The following PCDHGA3 variants were observed in gnomAD, a reference collection of about 807,000 sequenced individuals.
PCDHGA3 encodes protocadherin gamma subfamily A, 3.
In PCDHGA3, 40 loss-of-function variants were observed where a neutral mutation model predicts 58.5. The ratio of observed to expected loss-of-function variants is 0.68; its 90% CI spans 0.53 to 0.89. The LOEUF (loss-of-function observed/expected upper bound fraction) is 0.89, where lower values mean the gene tolerates loss of function less well. Ranked by LOEUF, PCDHGA3 falls within the 40% of genes least tolerant of loss-of-function variation. The probability of loss-of-function intolerance (pLI) is 0.00; values close to 1 mark genes in which losing one functional copy is unlikely to be tolerated. For synonymous variants in PCDHGA3, 530 were observed against 525.7 expected, an observed-to-expected ratio of 1.01 and a Z score of -0.11; for missense variants, 1,223 against 1,195.9, an observed-to-expected ratio of 1.02 and a Z score of -0.33.
chr5:141,419,651 TC>T, intron 1 of PCDHGA3: 28 of 1,612,632 alleles, frequency 1.7e-5, no homozygotes, highest in Non-Finnish European at 2.3e-5. Flanking sequence ...GGACGCGGAC[TC>T]GGGGCACAAT....
chr5:141,400,650 C>T, intron 1 of PCDHGA3: 13 of 1,174,166 alleles, frequency 1.1e-5, no homozygotes, highest in Non-Finnish European at 1.6e-5. Context: ...AGAAAGCTGT[C>T]CTACCATTCT....
At chr5:141,389,585 C>G in intron 1 of PCDHGA3, 1 of 1,613,182 alleles carries the variant, frequency 6.2e-7, no homozygotes, top group Non-Finnish European at 8.5e-7. Context: ...CGCTGGGTCC[C>G]GACGGCTCTG....
In PCDHGA3 at chr5:141,432,929, C is replaced by T. The variant is rs759937939; in HGVS notation, c.2425-61878C>T. On this transcript the variant is annotated intron_variant, in intron 1 of 3. Coordinates refer to ENST00000253812, the MANE Select transcript of PCDHGA3 (RefSeq NM_018916.4). This position sits in a 1 kb window ranked among gnomAD's most constrained non-coding sequence, Gnocchi z 6.0. ...GCTGCGGCGCTGGCACAAGTCACGCCTGCTGCAGGCTTCAGGAGGCGGCTT... is the reference window on the plus strand; with the variant it reads ...GCTGCGGCGCTGGCACAAGTCACGCTTGCTGCAGGCTTCAGGAGGCGGCTT... The T allele has an allele frequency of 6.2e-7, 1 of 1,614,078 alleles. No individual in the cohort carries two copies. Among genetic ancestry groups the T allele is most frequent in the African/African-American group, 1.3e-5 (1 of 74,948 alleles).
Position 141,431,721 on chromosome 5 carries a change from C to T in PCDHGA3, c.2425-63086C>T. The T allele has an allele frequency of 1.2e-6, 2 of 1,614,246 alleles. No homozygotes were observed. Among genetic ancestry groups the T allele is most frequent in the Non-Finnish European group, 1.7e-6 (2 of 1,180,044 alleles). On this transcript the variant is annotated intron_variant, in intron 1 of 3. Transcript: ENST00000253812. The surrounding 1 kb of genome is among the most constrained non-coding windows in gnomAD (Gnocchi z 4.8). ...GGATTCTACCAGATGGAAGTGCAAGCAATGGATAATGCAGGATATTCTGCG... is the reference window on the plus strand; with the variant it reads ...GGATTCTACCAGATGGAAGTGCAAGTAATGGATAATGCAGGATATTCTGCG...
At chr5:141,384,795 G>C (rs763067876) in intron 1 of PCDHGA3, 1 of 1,613,482 alleles carries the variant, frequency 6.2e-7, no homozygotes, top group South Asian at 1.1e-5. Context: ...CTCGGGCCCT[G>C]CTGGACAGAG....
rs1188870363 is a variant in PCDHGA3 at position 141,490,058 on chromosome 5, C to T, written c.2425-4749C>T. ...AATGCCACTGATCCAGACGAGGGCA[C>T]CAACGGCCAACTAGACTATTCTTTT... On this transcript the variant is annotated intron_variant, in intron 1 of 3. Coordinates refer to ENST00000253812, the MANE Select transcript of PCDHGA3 (RefSeq NM_018916.4). The surrounding 1 kb of genome is among the most constrained non-coding windows in gnomAD (Gnocchi z 5.4). The T allele has an allele frequency of 6.2e-7, 1 of 1,614,230 alleles. No individual in the cohort carries two copies. Among genetic ancestry groups the T allele is most frequent in the South Asian group, 1.1e-5 (1 of 91,084 alleles).
intron 1 of PCDHGA3, among the ~76,000 whole-genome samples, chr5:141,368,915 A>G (rs1765921156): frequency 6.6e-6 from 1 of 152,228 alleles, no homozygotes; most frequent in Non-Finnish European, 1.5e-5. Context: ...TAAAGGTGAC[A>G]ATGAGTGTCT....
intron 2 of PCDHGA3, among the ~76,000 whole-genome samples, chr5:141,498,710 T>C (rs2099785302): frequency 1.3e-5 from 2 of 152,108 alleles, no homozygotes. Flanking sequence ...GGTGGGTGGA[T>C]CACCTGAGGT....
chr5:141,499,260 G>T (rs2099790657), intron 2 of PCDHGA3, among the ~76,000 whole-genome samples: 1 of 152,028 alleles, frequency 6.6e-6, no homozygotes, highest in African/African-American at 2.4e-5. Context: ...GTCTCCATTT[G>T]GTCCCTAGAC....
chr5:141,394,925 C>T (rs771405918), intron 1 of PCDHGA3: 9 of 1,613,696 alleles, frequency 5.6e-6, no homozygotes, highest in South Asian at 1.1e-5. Context: ...CCTGTGTCTT[C>T]CTCGCCTTTG....
chr5:141,376,711 G>A lies in PCDHGA3; in HGVS notation c.2424+30254G>A, dbSNP rs1369731526. 2.9e-5 allele frequency: 18 copies of A among 622,360 alleles called. No homozygotes were observed. The South Asian group carries it at 3.6e-4, about 12-fold the overall frequency. 38.6% of individuals were successfully genotyped at this position (622,360 alleles called of 1,614,324 possible). On this transcript the variant is annotated intron_variant, in intron 1 of 3. Coordinates refer to ENST00000253812, the MANE Select transcript of PCDHGA3 (RefSeq NM_018916.4). ...TTTTTTTTTTTTGAGACGGAGTCTC[G>A]CTCTGTCGCCCAGGCCGGACTGCGG...
chr5:141,431,685 A>C lies in PCDHGA3; in HGVS notation c.2425-63122A>C. The C allele has an allele frequency of 6.2e-7, 1 of 1,614,246 alleles. No homozygotes were observed. Among genetic ancestry groups the C allele is most frequent in the East Asian group, 2.2e-5 (1 of 44,876 alleles). ...ATATCAACAATAGGGGAGTTGGACCACGAGGAGTCAGGATTCTACCAGATG... is the reference window on the plus strand; with the variant it reads ...ATATCAACAATAGGGGAGTTGGACCCCGAGGAGTCAGGATTCTACCAGATG... On this transcript the variant is annotated intron_variant, in intron 1 of 3. Transcript: ENST00000253812. This position sits in a 1 kb window ranked among gnomAD's most constrained non-coding sequence, Gnocchi z 4.8.
At chr5:141,507,831 T>C (rs2099864030) in intron 3 of PCDHGA3, among the ~76,000 whole-genome samples, 1 of 152,134 alleles carries the variant, frequency 6.6e-6, no homozygotes, top group African/African-American at 2.4e-5. Context: ...GTGGAGGTGG[T>C]GGGTCAGGCC....
intron 1 of PCDHGA3, chr5:141,384,634 C>T: frequency 6.2e-7 from 1 of 1,614,208 alleles, no homozygotes; most frequent in Non-Finnish European, 8.5e-7. Flanking sequence ...GGAGCTGGCA[C>T]CCCGCTCCGC....
chr5:141,500,271 C>T (rs936454651), intron 2 of PCDHGA3, among the ~76,000 whole-genome samples: 3 of 151,598 alleles, frequency 2.0e-5, no homozygotes, highest in African/African-American at 7.3e-5. Flanking sequence ...TGCAGTGGCG[C>T]AATCTCGGCT....
At chr5:141,362,879 A>T (rs1762711242) in intron 1 of PCDHGA3, among the ~76,000 whole-genome samples, 1 of 152,216 alleles carries the variant, frequency 6.6e-6, no homozygotes, top group African/African-American at 2.4e-5. Context: ...TGTTATTCAA[A>T]TTTTAGTTTT....
chr5:141,366,085 C>T, intron 1 of PCDHGA3: 1 of 1,614,268 alleles, frequency 6.2e-7, no homozygotes, highest in Non-Finnish European at 8.5e-7. Flanking sequence ...CAGAACCTGG[C>T]TACCTGGTGA....
chr5:141,415,786 A>ATT, intron 1 of PCDHGA3: 2 of 1,374,914 alleles, frequency 1.5e-6, no homozygotes, highest in Non-Finnish European at 1.9e-6. Flanking sequence ...TTCTGGTAAA[A>ATT]TTCACCTAGT....
At position 141,472,488 on chromosome 5, in the gene PCDHGA3, C is replaced by T. The variant is rs183545662; in HGVS notation, c.2425-22319C>T. 4.0e-3 allele frequency among the ~76,000 whole-genome samples: 607 copies of T among 151,768 alleles called. 6 individuals carry two copies. The highest frequency in any genetic ancestry group is 0.011 in the Admixed American group (174 of 15,254). On this transcript the variant is annotated intron_variant, in intron 1 of 3. Coordinates refer to ENST00000253812, the MANE Select transcript of PCDHGA3 (RefSeq NM_018916.4). Reference sequence around the variant, plus strand: ...CCAGAAGGCAGAGCTTGCAGTGAGACGAGATCGTGCCACTGCACTCCAGCC... The same window carrying T: ...CCAGAAGGCAGAGCTTGCAGTGAGATGAGATCGTGCCACTGCACTCCAGCC...
Sources: gnomAD v4.1 joint callset for allele counts (sites outside exome capture counted in the v4.1 genomes callset) on GRCh38, gnomAD v4.1.1 for gene constraint, Gnocchi (gnomAD v3.1) non-coding constraint, MANE v1.5 for transcripts, NCBI Gene and HGNC (gene_info 2026-07-23, HGNC 2026-07-21) for gene names.